Variants in SOX5 observed in about 807,000 individuals in gnomAD.
The protein encoded by SOX5 is SRY-box transcription factor 5.
SOX5 carries 9 observed loss-of-function variants against 92.0 expected under a neutral mutation model. That is an observed-to-expected ratio of 0.10 (90% CI 0.06 to 0.17). The LOEUF (loss-of-function observed/expected upper bound fraction) is 0.17, where lower values mean the gene tolerates loss of function less well. SOX5 is among the 10% of genes least tolerant of loss of function. The pLI is 1.00. For missense variants in SOX5, 642 were observed against 944.5 expected (o/e 0.68, Z 4.20); for synonymous variants, 344 against 336.3 (o/e 1.02, Z -0.25).
chr12:23,893,976 G>A (rs1331037378), intron 2 of SOX5, among the ~76,000 whole-genome samples: 1 of 152,176 alleles, frequency 6.6e-6, no homozygotes. Context: ...TGAAGCAGCA[G>A]CATGAATAAT....
intron 3 of SOX5, among the ~76,000 whole-genome samples, chr12:23,758,501 G>C (rs2094469550): frequency 6.6e-6 from 1 of 151,494 alleles, no homozygotes. Context: ...CTTCACATGT[G>C]GTATCTCAGA....
At chr12:24,136,175 C>T (rs566073668) in intron 4 of SOX5, among the ~76,000 whole-genome samples, 1 of 152,260 alleles carries the variant, frequency 6.6e-6, no homozygotes, top group South Asian at 2.1e-4. Context: ...AGACAGGACA[C>T]GTGGAGCAAG....
chr12:24,368,692 G>C (rs1956409397), intron 1 of SOX5: 1 of 152,162 alleles, frequency 6.6e-6, no homozygotes, highest in Non-Finnish European at 1.5e-5. Context: ...AAATGGTACA[G>C]TGCTGATTGG....
chr12:24,011,284 T>C (rs1341778663), intron 4 of SOX5, among the ~76,000 whole-genome samples: 1 of 152,150 alleles, frequency 6.6e-6, no homozygotes, highest in Non-Finnish European at 1.5e-5. Flanking sequence ...TACACACTCA[T>C]ACACACACAC....
At chr12:23,943,259 G>GA (rs886869570) in intron 1 of SOX5, among the ~76,000 whole-genome samples, 1,446 of 139,526 alleles carry the variant, frequency 0.01, 12 homozygotes, top group Middle Eastern at 0.028. Context: ...TAAGTGAAGA[G>GA]AAAAAAAAAA....
chr12:23,899,400 G>GA (rs1167931566), intron 1 of SOX5, among the ~76,000 whole-genome samples: 5 of 120,012 alleles, frequency 4.2e-5, no homozygotes, highest in Non-Finnish European at 5.0e-5. Flanking sequence ...AACTCCGTCT[G>GA]AAAAAAAAGA....
intron 1 of SOX5, chr12:23,944,447 GAAAAGA>G (rs1944209592): frequency 6.6e-6 from 1 of 152,020 alleles, no homozygotes; most frequent in African/African-American, 2.4e-5. Flanking sequence ...AGTAAGTAAA[GAAAAGA>G]ATAGACAACA....
chr12:24,510,056 T>A (rs1256705111), intron 1 of SOX5, among the ~76,000 whole-genome samples: 1 of 152,222 alleles, frequency 6.6e-6, no homozygotes, highest in African/African-American at 2.4e-5. Context: ...ATAAGAAACA[T>A]GTCATCTGAA....
intron 1 of SOX5, among the ~76,000 whole-genome samples, chr12:24,501,269 T>A (rs935073625): frequency 7.2e-5 from 11 of 152,124 alleles, no homozygotes; most frequent in African/African-American, 2.4e-4. Context: ...CTTGTTGAGC[T>A]TGCATTATTT....
chr12:24,101,222 G>A (rs1317870119), intron 4 of SOX5, among the ~76,000 whole-genome samples: 1 of 152,032 alleles, frequency 6.6e-6, no homozygotes, highest in African/African-American at 2.4e-5. Context: ...TCCTAATTAT[G>A]TTCCACACAA....
chr12:24,365,213 A>G (rs1956048225), intron 2 of SOX5, among the ~76,000 whole-genome samples: 1 of 152,156 alleles, frequency 6.6e-6, no homozygotes, highest in Admixed American at 6.5e-5. Flanking sequence ...AATATCTGGT[A>G]AACAAGGAAT....
chr12:23,839,159 C>A (rs564719336), intron 3 of SOX5, among the ~76,000 whole-genome samples: 16 of 152,014 alleles, frequency 1.1e-4, no homozygotes, highest in Non-Finnish European at 1.9e-4. Context: ...CCCAGTATTT[C>A]TTAATGTCTC....
At chr12:23,548,381 A>C (rs1196203729) in intron 11 of SOX5, among the ~76,000 whole-genome samples, 1 of 152,022 alleles carries the variant, frequency 6.6e-6, no homozygotes, top group Non-Finnish European at 1.5e-5. Context: ...ATCCACCACT[A>C]ATGCACCCAA....
chr12:23,872,458 A>G, intron 2 of SOX5, among the ~76,000 whole-genome samples: 1 of 152,114 alleles, frequency 6.6e-6, no homozygotes, highest in East Asian at 1.9e-4. Flanking sequence ...ATTTCCCAGA[A>G]GTTATGGTGT....
chr12:23,924,403 T>C lies in SOX5; in HGVS notation c.38+25161A>G, dbSNP rs529338473. On this transcript the variant is annotated intron_variant, in intron 1 of 14. Coordinates refer to ENST00000451604, the MANE Select transcript of SOX5 (RefSeq NM_006940.6). The stretch of plus-strand genomic sequence containing the variant: ...CACAAGGTGACATGGTAGATTAAAA[T>C]TATGGGAAGCCAGATTTACAAAGGC... 3.3e-5 allele frequency among the ~76,000 whole-genome samples: 5 copies of C among 152,202 alleles called. No individual in the cohort carries two copies. In the South Asian group the frequency reaches 1.0e-3, roughly 32 times the overall value.
intron 4 of SOX5, among the ~76,000 whole-genome samples, chr12:24,208,918 T>C (rs1409836247): frequency 2.6e-5 from 4 of 152,180 alleles, no homozygotes; most frequent in African/African-American, 7.2e-5. Context: ...TTTAGCATGA[T>C]AACGGTTATT....
rs1237987706 is a variant in SOX5 at position 24,211,676 on chromosome 12, T to C, written c.-2+1667A>G. Among the ~76,000 whole-genome samples, 4 of 152,230 alleles carry C rather than the reference T, an allele frequency of 2.6e-5. No homozygotes were observed. The South Asian group carries it at 6.2e-4, about 24-fold the overall frequency. Reference sequence around the variant, plus strand: ...TAACCTGTGAGGTAGCATAATGTAGTAGACCTGCATCATGCCAAGAAACAT... The same window carrying C: ...TAACCTGTGAGGTAGCATAATGTAGCAGACCTGCATCATGCCAAGAAACAT... On this transcript the variant is annotated intron_variant, in intron 4 of 4. Transcript: ENST00000446891.
chr12:24,284,130 G>A (rs1005477648), intron 2 of SOX5, among the ~76,000 whole-genome samples: 12 of 152,210 alleles, frequency 7.9e-5, no homozygotes, highest in Admixed American at 1.3e-4. Flanking sequence ...TTAAGTAGCG[G>A]TTATCTTTGG....
rs1446777072 is a variant in SOX5 at position 23,562,829 on chromosome 12, A to G, written c.1488+429T>C. Reference sequence around the variant, plus strand: ...CAGTGTTTTGCACTGGAAACATATTATGACAAGCTCAGGATCCTAAATACT... The same window carrying G: ...CAGTGTTTTGCACTGGAAACATATTGTGACAAGCTCAGGATCCTAAATACT... On this transcript the variant is annotated intron_variant, in intron 11 of 14. Coordinates refer to ENST00000451604, the MANE Select transcript of SOX5 (RefSeq NM_006940.6). Among the ~76,000 whole-genome samples, 3 of 152,196 alleles carry G rather than the reference A, an allele frequency of 2.0e-5. No homozygotes were observed. In the East Asian group the frequency reaches 5.8e-4, roughly 29 times the overall value.
Sources: allele counts gnomAD v4.1 joint callset (sites outside exome capture counted in the v4.1 genomes callset), GRCh38; gene constraint gnomAD v4.1.1; transcripts MANE v1.5; gene names NCBI Gene and HGNC (gene_info 2026-07-23, HGNC 2026-07-21).